Variants in PKP2 observed in about 807,000 individuals in gnomAD.
PKP2 encodes the protein plakophilin 2, also known as plakophilin-2.
In PKP2, 73 loss-of-function variants were observed where a neutral mutation model predicts 83.4. That is an observed-to-expected ratio of 0.88 (90% CI 0.72 to 1.06). The LOEUF is 1.06. Among genes scored for constraint, PKP2 ranks in the 50% least tolerant of loss-of-function variants. PKP2 has a pLI of 0.00. For missense variants in PKP2, 966 were observed against 1,065.4 expected, an observed-to-expected ratio of 0.91 and a Z score of 1.30; for synonymous variants, 409 against 430.4, an observed-to-expected ratio of 0.95 and a Z score of 0.62.
At chr12:32,827,182 A>G (rs555341749) in intron 6 of PKP2, among the ~76,000 whole-genome samples, 1 of 152,236 alleles carries the variant, frequency 6.6e-6, no homozygotes, top group Non-Finnish European at 1.5e-5. Context: ...TGGTAAGTCA[A>G]GTTGGCAGTA....
intron 4 of PKP2, among the ~76,000 whole-genome samples, chr12:32,852,821 T>C (rs755447020): frequency 4.1e-4 from 62 of 152,184 alleles, no homozygotes; most frequent in Non-Finnish European, 1.3e-4. Context: ...CGGTGGCTTA[T>C]GCCTGTAATC....
At chr12:32,858,084 A>AAAAAAAAAAATAT (rs1233128620) in intron 4 of PKP2, among the ~76,000 whole-genome samples, 1 of 67,024 alleles carries the variant, frequency 1.5e-5, no homozygotes, top group East Asian at 4.8e-4. Flanking sequence ...AAAAAAAAAA[A>AAAAAAAAAAATAT]ATATATATAT....
chr12:32,802,206 A>T (rs1408006643), intron 10 of PKP2, among the ~76,000 whole-genome samples, 197 bp downstream of exon 10: 2 of 151,076 alleles, frequency 1.3e-5, no homozygotes, highest in African/African-American at 4.9e-5. Flanking sequence ...TTGGATATTT[A>T]AAAAAAATCT....
At chr12:32,847,038 G>A (rs1485530481) in intron 5 of PKP2, among the ~76,000 whole-genome samples, 1 of 151,826 alleles carries the variant, frequency 6.6e-6, no homozygotes, top group Admixed American at 6.6e-5. Context: ...GGAGTTGTCA[G>A]GAGAAATAGG....
In PKP2 at chr12:32,825,162, C is replaced by CTTTTT. The variant is rs10607965; in HGVS notation, c.1557-1005_1557-1001dup. ...CCTATAAAATGTATCAGATCAGTTTCTTTTTTTTTTTTTTTTTTTTTTTTG... is the reference window on the plus strand; with the variant it reads ...CCTATAAAATGTATCAGATCAGTTTCTTTTTTTTTTTTTTTTTTTTTTTTTTTTTG... On this transcript the variant is annotated intron_variant, in intron 6 of 12. Coordinates refer to ENST00000340811, the MANE Select transcript of PKP2 (RefSeq NM_001005242.3). 7.2e-4 allele frequency among the ~76,000 whole-genome samples: 55 copies of CTTTTT among 76,834 alleles called. 1 individual carries two copies. The highest frequency in any genetic ancestry group is 9.3e-4 in the East Asian group (2 of 2,158). 50.4% of individuals were successfully genotyped at this position (76,834 alleles called of 152,430 possible). A position where few individuals can be genotyped will look rare whatever the true frequency, so the allele number is the denominator to read the frequency against.
intron 1 of PKP2, among the ~76,000 whole-genome samples, chr12:32,895,437 T>C (rs1591835579): frequency 6.6e-6 from 1 of 152,330 alleles, no homozygotes; most frequent in Middle Eastern, 3.4e-3. Flanking sequence ...GAAACTAGAA[T>C]GGGTTAGCCT....
chr12:32,818,116 G>A (rs1956337011), intron 9 of PKP2, among the ~76,000 whole-genome samples: 3 of 152,176 alleles, frequency 2.0e-5, no homozygotes, highest in Non-Finnish European at 4.4e-5. Flanking sequence ...GGGGGCCGCT[G>A]AGGGAATATG....
At chr12:32,793,612 G>GTTTTTTTT (rs1565571416) in intron 11 of PKP2, among the ~76,000 whole-genome samples, 1 of 94,296 alleles carries the variant, frequency 1.1e-5, no homozygotes, top group East Asian at 2.4e-4. Flanking sequence ...TTCATATTCT[G>GTTTTTTTT]CTTTTTTTTT....
At position 32,870,680 on chromosome 12, in the gene PKP2, A is replaced by C. The variant is rs148417338; in HGVS notation, c.1035-1618T>G. On this transcript the variant is annotated intron_variant, in intron 3 of 12. Coordinates refer to ENST00000340811, the MANE Select transcript of PKP2 (RefSeq NM_001005242.3). Reference sequence around the variant, plus strand: ...AGAGAAGTCAAAACTCTGTAAGTCTAGTCTCAAGCTCAATGGCAAAGTCTT... The same window carrying C: ...AGAGAAGTCAAAACTCTGTAAGTCTCGTCTCAAGCTCAATGGCAAAGTCTT... Among the ~76,000 whole-genome samples, 795 of 152,312 alleles carry C rather than the reference A, an allele frequency of 5.2e-3. 9 individuals carry two copies. The highest frequency in any genetic ancestry group is 0.018 in the African/African-American group (748 of 41,564).
chr12:32,888,720 C>T (rs112708648), intron 1 of PKP2, among the ~76,000 whole-genome samples: 8 of 151,778 alleles, frequency 5.3e-5, no homozygotes, highest in Admixed American at 1.3e-4. Flanking sequence ...CTCAAACTCC[C>T]GACCTCAGAT....
chr12:32,845,123 A>G (rs138151739), intron 5 of PKP2, among the ~76,000 whole-genome samples: 97 of 152,316 alleles, frequency 6.4e-4, no homozygotes, highest in African/African-American at 2.3e-3. Context: ...GGACTCTGTT[A>G]AGGGATATAA....
At chr12:32,878,645 T>C (rs932129384) in intron 2 of PKP2, 102 bp from the exon 3 acceptor site, 3 of 972,638 alleles carry the variant, frequency 3.1e-6, no homozygotes, top group Non-Finnish European at 4.7e-6. Context: ...TCCGTTTCTC[T>C]GAATCAGATG....
chr12:32,892,718 G>A (rs953062246), intron 1 of PKP2, among the ~76,000 whole-genome samples: 2 of 143,716 alleles, frequency 1.4e-5, no homozygotes, highest in African/African-American at 2.6e-5. Flanking sequence ...CAAAGAGGTT[G>A]TAAATATAAT....
chr12:32,806,531 G>T (rs1295176769), intron 9 of PKP2, among the ~76,000 whole-genome samples: 1 of 152,132 alleles, frequency 6.6e-6, no homozygotes, highest in Non-Finnish European at 1.5e-5. Flanking sequence ...TCTGATGGTT[G>T]TATGTATTTC....
At chr12:32,863,012 G>A (rs1956814803) in intron 4 of PKP2, 1 of 152,550 alleles carries the variant, frequency 6.6e-6, no homozygotes, top group Non-Finnish European at 1.5e-5. Context: ...AAGAAATAAA[G>A]AAAGAAATAA....
intron 1 of PKP2, among the ~76,000 whole-genome samples, chr12:32,890,853 G>A (rs955081584): frequency 2.0e-5 from 3 of 151,592 alleles, no homozygotes; most frequent in Non-Finnish European, 2.9e-5. Context: ...CCAGCTACTC[G>A]GGAGGCTGAG....
intron 4 of PKP2, among the ~76,000 whole-genome samples, chr12:32,862,915 C>A (rs1038296306): frequency 1.3e-5 from 2 of 152,080 alleles, no homozygotes; most frequent in Admixed American, 1.3e-4. Flanking sequence ...AGGAGAATTG[C>A]ATGAACACGA....
At position 32,877,890 on chromosome 12, in the gene PKP2, C is replaced by T. The variant is rs749862514; in HGVS notation, c.990G>A (p.Gly330=). The T allele has an allele frequency of 5.6e-6, 9 of 1,614,050 alleles. No homozygotes were observed. The highest frequency in any genetic ancestry group is 7.6e-6 in the Non-Finnish European group (9 of 1,180,020). The change falls in exon 3 of 13, where the codon GGG becomes GGA. Residue 330 remains glycine (G), a synonymous_variant. Transcript: ENST00000340811. ...AAGTGCTTCTCTCAGTGAGCAGATT[C>T]CCACTTCCCCCTGCGGCCGCCTGGC... The part of the protein sequence containing the change: ...TVGQAAAGGS[G]NLLTERSTFT...
intron 12 of PKP2, 37 bp downstream of exon 12, chr12:32,792,607 C>CAAG: frequency 6.3e-7 from 1 of 1,585,470 alleles, no homozygotes; most frequent in East Asian, 2.2e-5. Context: ...TTACCTGGCT[C>CAAG]TGTTAACTAT....
Sources: gnomAD v4.1 joint callset for allele counts (sites outside exome capture counted in the v4.1 genomes callset) on GRCh38, gnomAD v4.1.1 for gene constraint, MANE v1.5 for transcripts, NCBI Gene and HGNC (gene_info 2026-07-23, HGNC 2026-07-21) for gene names.